KIF4B: variants seen among roughly 807,000 people sequenced by gnomAD.
KIF4B encodes the protein kinesin family member 4B.
A neutral mutation model predicts 69.0 loss-of-function variants in KIF4B; 60 were observed. The observed-to-expected ratio is 0.87, with a 90% CI of 0.71 to 1.08. KIF4B has a LOEUF of 1.08. Among genes scored for constraint, KIF4B ranks in the 50% least tolerant of loss-of-function variants. The pLI is 0.00. For missense variants in KIF4B, 1,357 were observed against 1,451.9 expected, an observed-to-expected ratio of 0.93 and a Z score of 1.06; for synonymous variants, 489 against 533.0, an observed-to-expected ratio of 0.92 and a Z score of 1.14.
rs371073527 is a variant in KIF4B at position 155,013,929 on chromosome 5, A to G, written c.70A>G (p.Ile24Val). ...TTGTCGCCCTCTGGTCCCCAAAGAG[A>G]TTAGCGAGGGCTGCCAGATGTGCCT... is the stretch of plus-strand genomic sequence containing the variant. ...LRCRPLVPKE[I>V]SEGCQMCLSF... is the part of the protein sequence containing the mutation. Residue 24 changes from isoleucine to valine, a missense_variant, in exon 1 of 1, where the codon ATT (isoleucine) becomes GTT (valine). Physicochemically the swap from Ile to Val is conservative, Grantham distance 29 (BLOSUM62 3). Transcript: ENST00000435029. 3.1e-6 allele frequency: 5 copies of G among 1,614,106 alleles called. No individual in the cohort carries two copies. The highest frequency in any genetic ancestry group is 3.4e-6 in the Non-Finnish European group (4 of 1,180,052).
At position 155,014,293 on chromosome 5, in the gene KIF4B, A is replaced by G. The variant is rs1252190575; in HGVS notation, c.434A>G (p.Asn145Ser). The change falls in exon 1 of 1, where the codon AAT (asparagine) becomes AGT (serine). Residue 145 changes from asparagine to serine, a missense_variant. Physicochemically the swap from Asn to Ser is conservative, Grantham distance 46 (BLOSUM62 1). Transcript: ENST00000435029. Reference protein sequence around the residue: ...TLKVSYLEIYNEEILDLLCPS... With the variant: ...TLKVSYLEIYSEEILDLLCPS... ...AAAGTGTCTTACTTAGAGATTTACA[A>G]TGAAGAAATTTTGGATCTTCTATGC... The G allele has an allele frequency of 6.2e-6, 10 of 1,614,250 alleles. No individual in the cohort carries two copies. The highest frequency in any genetic ancestry group is 8.5e-6 in the Non-Finnish European group (10 of 1,180,046).
chr5:155,017,562 T>C lies in KIF4B; in HGVS notation c.3703T>C (p.Ter1235ArgextTer25). 6.2e-7 allele frequency: 1 copy of C among 1,611,670 alleles called. No individual in the cohort carries two copies. The highest frequency in any genetic ancestry group is 8.5e-7 in the Non-Finnish European group (1 of 1,179,612). ...CTCCCCTATCGAAGAAGAGGCCCAC[T>C]GAAGTTGGAGTCATCATCTCTACCC... is the stretch of plus-strand genomic sequence containing the variant. ...GCSPIEEEAH[*>R] Residue 1235 changes from the stop codon to arginine, a stop_lost, in exon 1 of 1, where the codon TGA (stop) becomes CGA (arginine). Transcript: ENST00000435029.
chr5:155,016,497 C>T lies in KIF4B; in HGVS notation c.2638C>T (p.His880Tyr), dbSNP rs1373369867. The T allele has an allele frequency of 1.9e-6, 3 of 1,614,108 alleles. No homozygotes were observed. The highest frequency in any genetic ancestry group is 1.7e-6 in the Non-Finnish European group (2 of 1,180,038). ...LIGELVSSKI[H>Y]VTKLENSLRQ... ...TGGAGAGCTGGTCTCCTCCAAAATACATGTCACCAAACTTGAAAACAGCCT... is the reference window on the plus strand; with the variant it reads ...TGGAGAGCTGGTCTCCTCCAAAATATATGTCACCAAACTTGAAAACAGCCT... Residue 880 changes from histidine (H) to tyrosine (Y), a missense_variant, in exon 1 of 1, where the codon CAT becomes TAT. Physicochemically the swap from His to Tyr is moderately conservative, Grantham distance 83. Coordinates refer to ENST00000435029, the MANE Select transcript of KIF4B (RefSeq NM_001099293.3).
Position 155,015,221 on chromosome 5 carries a change from G to A in KIF4B, c.1362G>A (p.Leu454=). 6.2e-7 allele frequency: 1 copy of A among 1,614,200 alleles called. No individual in the cohort carries two copies. Among genetic ancestry groups the A allele is most frequent in the Non-Finnish European group, 8.5e-7 (1 of 1,180,048 alleles). Residue 454 remains leucine, a synonymous_variant, in exon 1 of 1, where the codon TTG becomes TTA. Transcript: ENST00000435029. Reference sequence around the variant, plus strand: ...ATCTTCAAAAGCTAGTGGAGACTTTGGAAGACCAGGAATTGAAAGAAAATG... The same window carrying A: ...ATCTTCAAAAGCTAGTGGAGACTTTAGAAGACCAGGAATTGAAAGAAAATG... ...KLDLQKLVET[L]EDQELKENVE...
rs1361486187 is a variant in KIF4B, at chr5:155,016,158, C to T, written c.2299C>T (p.Leu767Phe). The stretch of plus-strand genomic sequence containing the variant: ...GGAAGCCAAACGCCATCTGAATGAC[C>T]TCCTTGAAGACAGAAAGATCCTGGC... ...TEEAKRHLNDLLEDRKILAQD... is the reference protein window; with the variant it reads ...TEEAKRHLNDFLEDRKILAQD... The change falls in exon 1 of 1, where the codon CTC becomes TTC. Residue 767 changes from leucine (L) to phenylalanine (F), a missense_variant. Leu to Phe is a conservative substitution (Grantham distance 22). Coordinates refer to ENST00000435029, the MANE Select transcript of KIF4B (RefSeq NM_001099293.3). 1.9e-6 allele frequency: 3 copies of T among 1,614,136 alleles called. No individual in the cohort carries two copies. The highest frequency in any genetic ancestry group is 2.5e-6 in the Non-Finnish European group (3 of 1,180,044).
Position 155,014,151 on chromosome 5 carries a change from A to C in KIF4B, c.292A>C (p.Met98Leu). ...GACTGGCTCTGGAAAAACCTATTCA[A>C]TGGGAGGTGCATACACTGCGGAGCA... ...GQTGSGKTYS[M>L]GGAYTAEQEN... Residue 98 changes from methionine (M) to leucine (L), a missense_variant, in exon 1 of 1, where the codon ATG becomes CTG. Physicochemically the swap from Met to Leu is conservative, Grantham distance 15. Coordinates refer to ENST00000435029, the MANE Select transcript of KIF4B (RefSeq NM_001099293.3). 1 of 1,614,232 alleles carries C rather than the reference A, an allele frequency of 6.2e-7. No individual in the cohort carries two copies. The highest frequency in any genetic ancestry group is 8.5e-7 in the Non-Finnish European group (1 of 1,180,046).
chr5:155,014,504 C>A lies in KIF4B; in HGVS notation c.645C>A (p.Ile215=), dbSNP rs1765289570. 2 of 1,614,126 alleles carry A rather than the reference C, an allele frequency of 1.2e-6. No individual in the cohort carries two copies. The highest frequency in any genetic ancestry group is 1.7e-5 in the Admixed American group (1 of 60,020). The change falls in exon 1 of 1, where the codon ATC becomes ATA. Residue 215 remains isoleucine (I), a synonymous_variant. Transcript: ENST00000435029. ...MNSQSSRSHA[I]FTISIEQRKK... is the part of the protein sequence containing the mutation. ...CCCAGTCGTCCCGATCTCATGCCAT[C>A]TTTACAATCTCCATAGAGCAAAGAA...
Position 155,015,714 on chromosome 5 carries a change from C to T in KIF4B, c.1855C>T (p.Gln619Ter). Residue 619 changes from glutamine to a stop codon, truncating the protein, a stop_gained, in exon 1 of 1, where the codon CAG becomes TAG. Coordinates refer to ENST00000435029, the MANE Select transcript of KIF4B (RefSeq NM_001099293.3). LOFTEE classifies it high-confidence loss of function. ...TGATCTGAAGAAGAAACTGAATGAGCAGTCCAAACTTCTGAAACTAAAGGA... is the reference window on the plus strand; with the variant it reads ...TGATCTGAAGAAGAAACTGAATGAGTAGTCCAAACTTCTGAAACTAAAGGA... ...IADLKKKLNE[Q>*]SKLLKLKEST... 6.2e-7 allele frequency: 1 copy of T among 1,614,162 alleles called. No homozygotes were observed. Among genetic ancestry groups the T allele is most frequent in the Middle Eastern group, 1.6e-4 (1 of 6,062 alleles).
chr5:155,015,473 C>G lies in KIF4B; in HGVS notation c.1614C>G (p.Ala538=). Residue 538 remains alanine (A), a synonymous_variant, in exon 1 of 1, where the codon GCC becomes GCG. Transcript: ENST00000435029. The part of the protein sequence containing the change: ...ELNNALALKE[A]LVRKMTQNDN... ...ATAACGCCCTTGCACTGAAAGAGGC[C>G]CTAGTTAGGAAGATGACTCAGAACG... The G allele has an allele frequency of 1.2e-6, 2 of 1,614,008 alleles. No homozygotes were observed. The highest frequency in any genetic ancestry group is 1.7e-6 in the Non-Finnish European group (2 of 1,180,024).
chr5:155,014,354 G>A lies in KIF4B; in HGVS notation c.495G>A (p.Glu165=), dbSNP rs1765286298. The change falls in exon 1 of 1, where the codon GAG becomes GAA. Residue 165 remains glutamate, a synonymous_variant. Transcript: ENST00000435029. ...SREKAQINIR[E]DPKEGIKIVG... ...AGAAAGCTCAAATAAATATACGGGA[G>A]GATCCTAAGGAAGGCATAAAGATTG... 6.2e-7 allele frequency: 1 copy of A among 1,614,034 alleles called. No homozygotes were observed. The highest frequency in any genetic ancestry group is 1.7e-5 in the Admixed American group (1 of 60,002).
rs779046085 is a variant in KIF4B at position 155,016,619 on chromosome 5, G to T, written c.2760G>T (p.Leu920=). 2 of 1,614,074 alleles carry T rather than the reference G, an allele frequency of 1.2e-6. No individual in the cohort carries two copies. Among genetic ancestry groups the T allele is most frequent in the Admixed American group, 1.7e-5 (1 of 60,012 alleles). The change falls in exon 1 of 1, where the codon CTG becomes CTT. Residue 920 remains leucine, a synonymous_variant. Transcript: ENST00000435029. ...TAGAGACAGAGTTACAAGCTGAGCT[G>T]GTCAGAATGGAGCAACAGCACCAAG... The part of the protein sequence containing the change: ...SEIETELQAE[L]VRMEQQHQEK...
rs775125366 is a variant in KIF4B at position 155,016,876 on chromosome 5, T to G, written c.3017T>G (p.Leu1006Arg). The G allele has an allele frequency of 1.2e-6, 2 of 1,614,080 alleles. No individual in the cohort carries two copies. The highest frequency in any genetic ancestry group is 2.7e-5 in the African/African-American group (2 of 74,926). ...CAGGTAGCCAGCAGACAGAAACATC[T>G]TCCTAATGATACCCTTCTATCTCCA... ...LLQVASRQKH[L>R]PNDTLLSPDS... is the part of the protein sequence containing the mutation. Residue 1006 changes from leucine (L) to arginine (R), a missense_variant, in exon 1 of 1, where the codon CTT becomes CGT. Leu to Arg is a moderately radical substitution (Grantham distance 102). Coordinates refer to ENST00000435029, the MANE Select transcript of KIF4B (RefSeq NM_001099293.3).
Position 155,016,022 on chromosome 5 carries a change from A to AC in KIF4B, c.2164dup (p.Arg722ProfsTer6). The AC allele has an allele frequency of 6.2e-7, 1 of 1,614,216 alleles. No individual in the cohort carries two copies. ...GACTCAAGGATGCTCTCCAGAAACA[A>AC]CGAGAGGTCACAGATAAGCGGAAAG... On this transcript the variant is annotated frameshift_variant, in exon 1 of 1. Transcript: ENST00000435029. LOFTEE classifies it high-confidence loss of function.
Position 155,016,747 on chromosome 5 carries a change from T to G in KIF4B, c.2888T>G (p.Leu963Arg), listed in dbSNP as rs1227983770. Residue 963 changes from leucine (L) to arginine (R), a missense_variant, in exon 1 of 1, where the codon CTG (leucine) becomes CGG (arginine). Leu to Arg is a moderately radical substitution (Grantham distance 102). Transcript: ENST00000435029. ...AAGGAACAACAGCTGGTGAGCACAC[T>G]GCAGTGTCAGGATGAAGAACTTGAG... ...SEKEQQLVST[L>R]QCQDEELEKM... 9 of 1,614,004 alleles carry G rather than the reference T, an allele frequency of 5.6e-6. No homozygotes were observed. The highest frequency in any genetic ancestry group is 7.6e-6 in the Non-Finnish European group (9 of 1,180,046).
Position 155,015,659 on chromosome 5 carries a change from A to T in KIF4B, c.1800A>T (p.Lys600Asn), listed in dbSNP as rs1765313764. ...NQAKLSEHRHKLLQELEGQIA... is the reference protein window; with the variant it reads ...NQAKLSEHRHNLLQELEGQIA... ...CCAAGCTGAGTGAGCACCGCCACAA[A>T]CTTCTCCAGGAGCTGGAGGGTCAAA... Residue 600 changes from lysine to asparagine, a missense_variant, in exon 1 of 1, where the codon AAA (lysine) becomes AAT (asparagine). Physicochemically the swap from Lys to Asn is moderately conservative, Grantham distance 94 (BLOSUM62 0). Transcript: ENST00000435029. 5.0e-6 allele frequency: 8 copies of T among 1,614,212 alleles called. No homozygotes were observed. In the East Asian group the frequency reaches 1.8e-4, roughly 36 times the overall value.
At position 155,014,854 on chromosome 5, in the gene KIF4B, G is replaced by A. The variant is rs752962541; in HGVS notation, c.995G>A (p.Arg332Lys). ...TTAAGTACCCTTCGCTATGCTGACA[G>A]AGCAAGAAAAATCAAGAACAAACCT... The part of the protein sequence containing the change: ...ETLSTLRYAD[R>K]ARKIKNKPIV... The change falls in exon 1 of 1, where the codon AGA becomes AAA. Residue 332 changes from arginine (R) to lysine (K), a missense_variant. Physicochemically the swap from Arg to Lys is conservative, Grantham distance 26. Transcript: ENST00000435029. The A allele has an allele frequency of 5.6e-6, 9 of 1,614,142 alleles. No individual in the cohort carries two copies. Among genetic ancestry groups the A allele is most frequent in the Non-Finnish European group, 6.8e-6 (8 of 1,180,016 alleles).
chr5:155,015,158 G>A lies in KIF4B; in HGVS notation c.1299G>A (p.Lys433=). The change falls in exon 1 of 1, where the codon AAG becomes AAA. Residue 433 remains lysine, a synonymous_variant. Transcript: ENST00000435029. ...TEQVNEKLNA[K]LEELRQHVAC... ...AAGTGAATGAAAAACTGAACGCCAAGCTAGAAGAGCTCAGGCAGCATGTGG... is the reference window on the plus strand; with the variant it reads ...AAGTGAATGAAAAACTGAACGCCAAACTAGAAGAGCTCAGGCAGCATGTGG... The A allele has an allele frequency of 6.2e-7, 1 of 1,614,226 alleles. No homozygotes were observed. The highest frequency in any genetic ancestry group is 8.5e-7 in the Non-Finnish European group (1 of 1,180,052).
Position 155,017,306 on chromosome 5 carries a change from G to A in KIF4B, c.3447G>A (p.Glu1149=). The change falls in exon 1 of 1, where the codon GAG becomes GAA. Residue 1149 remains glutamate (E), a synonymous_variant. Coordinates refer to ENST00000435029, the MANE Select transcript of KIF4B (RefSeq NM_001099293.3). ...EGSFKLEDPT[E]VTPGLSFFNP... ...CCTTCAAACTGGAGGATCCTACCGA[G>A]GTGACCCCAGGATTGAGCTTCTTTA... 6 of 1,614,162 alleles carry A rather than the reference G, an allele frequency of 3.7e-6. No individual in the cohort carries two copies. The highest frequency in any genetic ancestry group is 5.1e-6 in the Non-Finnish European group (6 of 1,180,034).
In KIF4B at chr5:155,017,016, A is replaced by C; in HGVS notation, c.3157A>C (p.Asn1053His). ...DLKYCSEHSVNEHEDGDGDGD... is the reference protein window; with the variant it reads ...DLKYCSEHSVHEHEDGDGDGD... ...AAAATATTGTTCAGAGCATTCTGTG[A>C]ATGAGCATGAAGATGGTGATGGTGA... is the stretch of plus-strand genomic sequence containing the variant. Residue 1053 changes from asparagine to histidine, a missense_variant, in exon 1 of 1, where the codon AAT becomes CAT. Coordinates refer to ENST00000435029, the MANE Select transcript of KIF4B (RefSeq NM_001099293.3). The C allele has an allele frequency of 6.2e-7, 1 of 1,614,258 alleles. No homozygotes were observed. Among genetic ancestry groups the C allele is most frequent in the Non-Finnish European group, 8.5e-7 (1 of 1,180,054 alleles).
Sources: gnomAD v4.1 joint callset for allele counts on GRCh38, gnomAD v4.1.1 for gene constraint, MANE v1.5 for transcripts, NCBI Gene and HGNC (gene_info 2026-07-23, HGNC 2026-07-21) for gene names.